The following HDAC4 variants were observed in gnomAD, a reference collection of about 807,000 sequenced individuals.
HDAC4 encodes histone deacetylase 4.
A neutral mutation model predicts 135.1 loss-of-function variants in HDAC4; 16 were observed. The observed-to-expected ratio is 0.12, with a 90% CI of 0.08 to 0.18. The LOEUF (loss-of-function observed/expected upper bound fraction) is 0.18, where lower values mean the gene tolerates loss of function less well. Among genes scored for constraint, HDAC4 ranks in the 10% least tolerant of loss-of-function variants. The pLI is 1.00. For synonymous variants in HDAC4, 685 were observed against 653.4 expected (o/e 1.05, Z -0.74); for missense variants, 1,143 against 1,511.8 (o/e 0.76, Z 4.05).
chr2:239,318,265 G>A (rs540320706), intron 2 of HDAC4, among the ~76,000 whole-genome samples: 1 of 152,324 alleles, frequency 6.6e-6, no homozygotes, highest in East Asian at 1.9e-4. Context: ...CAGCAGCAAC[G>A]AAATACTGCG....
intron 1 of HDAC4, among the ~76,000 whole-genome samples, chr2:239,396,064 C>T (rs1432678236): frequency 6.6e-6 from 1 of 152,086 alleles, no homozygotes; most frequent in East Asian, 1.9e-4. Context: ...GCAACCTTGA[C>T]TTTCCAGGCT....
chr2:239,159,486 C>G (rs1035807406), intron 6 of HDAC4, among the ~76,000 whole-genome samples: 2 of 149,182 alleles, frequency 1.3e-5, no homozygotes, highest in African/African-American at 4.9e-5. Flanking sequence ...CACACCCCAC[C>G]CACACCCCAC....
At chr2:239,287,169 C>T (rs1406921272) in intron 2 of HDAC4, among the ~76,000 whole-genome samples, 1 of 152,276 alleles carries the variant, frequency 6.6e-6, no homozygotes, top group African/African-American at 2.4e-5. Flanking sequence ...GAACTGCAGC[C>T]GTGCCTGGAT....
intron 2 of HDAC4, among the ~76,000 whole-genome samples, chr2:239,330,388 C>T (rs1691490371): frequency 1.3e-5 from 2 of 152,254 alleles, no homozygotes; most frequent in Admixed American, 1.3e-4. Context: ...TGAGCAAGGG[C>T]CACTGGGGCC....
chr2:239,171,169 CAAA>C (rs34204026), intron 5 of HDAC4, among the ~76,000 whole-genome samples: 23,963 of 114,604 alleles, frequency 0.21, 1,920 homozygotes, highest in East Asian at 0.34. Flanking sequence ...ACAATCTGAC[CAAA>C]AAAAAAAAAA....
Position 239,122,915 on chromosome 2 carries a change from C to T in HDAC4, c.1533+3541G>A, listed in dbSNP as rs550684660. Among the ~76,000 whole-genome samples the T allele has an allele frequency of 8.5e-5, 13 of 152,332 alleles. No individual in the cohort carries two copies. In the East Asian group the frequency reaches 2.5e-3, roughly 29 times the overall value. ...CACAGCTGCCAGAGCTGGGCAGATG[C>T]CCTCAGGGAACAAGCCCCTGGGGAC... On this transcript the variant is annotated intron_variant, in intron 12 of 26. Coordinates refer to ENST00000543185, the MANE Select transcript of HDAC4 (RefSeq NM_001378414.1).
rs182637113 is a variant in HDAC4 at position 239,262,178 on chromosome 2, C to T, written c.23-25514G>A. ...AGGAGCCACGGTCCACTGAGACCCA[C>T]GACAAGGTATCCACGTGGCTTTTTA... On this transcript the variant is annotated intron_variant, in intron 2 of 26. Transcript: ENST00000543185. The surrounding 1 kb of genome is among the most constrained non-coding windows in gnomAD (Gnocchi z 4.1). 4.2e-4 allele frequency among the ~76,000 whole-genome samples: 64 copies of T among 152,288 alleles called. No individual in the cohort carries two copies. The highest frequency in any genetic ancestry group is 1.3e-3 in the Admixed American group (20 of 15,302).
At chr2:239,321,413 C>T (rs935589742) in intron 2 of HDAC4, among the ~76,000 whole-genome samples, 1 of 135,032 alleles carries the variant, frequency 7.4e-6, no homozygotes, top group African/African-American at 2.8e-5. Context: ...TGCAGCGAGC[C>T]GAGATAGCGC....
chr2:239,075,514 C>A (rs1161363203), intron 22 of HDAC4, among the ~76,000 whole-genome samples: 7 of 152,156 alleles, frequency 4.6e-5, no homozygotes, highest in Non-Finnish European at 1.0e-4. Context: ...ACCCCTGGGG[C>A]CGGCAAGCCC....
rs551313061 is a variant in HDAC4, at chr2:239,371,431, TCACA to T, written c.-219-18517_-219-18514del. Among the ~76,000 whole-genome samples, 88 of 151,576 alleles carry T rather than the reference TCACA, an allele frequency of 5.8e-4. 1 individual carries two copies. The highest frequency in any genetic ancestry group is 2.0e-3 in the African/African-American group (81 of 41,274). Reference sequence around the variant, plus strand: ...AGCATGCACTTACACAACCTCAAACTCACACATTCAATCACACTTGCACACTCAC... The same window carrying T: ...AGCATGCACTTACACAACCTCAAACTCATTCAATCACACTTGCACACTCAC... On this transcript the variant is annotated intron_variant, in intron 1 of 26. Transcript: ENST00000543185.
chr2:239,211,504 TA>T (rs1182310181), intron 3 of HDAC4, among the ~76,000 whole-genome samples: 3 of 152,172 alleles, frequency 2.0e-5, no homozygotes, highest in Non-Finnish European at 4.4e-5. Context: ...TATCTTGAGA[TA>T]AAAGAAACAT....
At chr2:239,148,160 A>G (rs1393971591) in intron 7 of HDAC4, among the ~76,000 whole-genome samples, 1 of 152,236 alleles carries the variant, frequency 6.6e-6, no homozygotes, top group Non-Finnish European at 1.5e-5. Context: ...AACTGCAGAG[A>G]GAAGGAGGCA....
rs932340746 is a variant in HDAC4, at chr2:239,048,307, A to G, written c.*4790T>C. The G allele has an allele frequency of 1.6e-4, 25 of 152,458 alleles. No homozygotes were observed. The highest frequency in any genetic ancestry group is 6.0e-4 in the African/African-American group (25 of 41,592). 9.4% of individuals were successfully genotyped at this position (152,458 alleles called of 1,614,324 possible). A position where few individuals can be genotyped will look rare whatever the true frequency, so the allele number is the denominator to read the frequency against. On this transcript the variant is annotated 3_prime_UTR_variant, in exon 27 of 27. Transcript: ENST00000543185. ...ATCATTGGTCGGTGAAAATCCACCC[A>G]CACAAAACAAGACAAGAATGAGAAA...
intron 22 of HDAC4, among the ~76,000 whole-genome samples, chr2:239,079,741 G>T (rs1214793021): frequency 2.0e-5 from 3 of 152,010 alleles, no homozygotes; most frequent in African/African-American, 7.2e-5. Context: ...CTCATATACA[G>T]ATGTGCACAC....
chr2:239,189,778 G>A (rs552224535), intron 4 of HDAC4, 55 bp downstream of exon 4: 17 of 1,533,304 alleles, frequency 1.1e-5, no homozygotes, highest in African/African-American at 9.5e-5. Context: ...TGGAGTCACC[G>A]GGAGTTGAGG....
rs1159605270 is a variant in HDAC4 at position 239,084,179 on chromosome 2, C to T, written c.2508G>A (p.Val836=). Residue 836 remains valine (V), a synonymous_variant, in exon 20 of 27, where the codon GTG becomes GTA. Transcript: ENST00000543185. ...CCCAGTCCACGATGAGGATCTTGCTCACGCTCAACCTCTGCTGCAGAAGCT... is the reference window on the plus strand; with the variant it reads ...CCCAGTCCACGATGAGGATCTTGCTTACGCTCAACCTCTGCTGCAGAAGCT... ...AAKLLQQRLS[V]SKILIVDWDV... is the part of the protein sequence containing the mutation. The T allele has an allele frequency of 3.1e-6, 5 of 1,613,448 alleles. No individual in the cohort carries two copies. Among genetic ancestry groups the T allele is most frequent in the Non-Finnish European group, 4.2e-6 (5 of 1,179,596 alleles).
At chr2:239,217,868 G>A (rs1262880043) in intron 3 of HDAC4, among the ~76,000 whole-genome samples, 1 of 152,188 alleles carries the variant, frequency 6.6e-6, no homozygotes, top group South Asian at 2.1e-4. Context: ...GCGGGAGGGG[G>A]ATCGTTTGAG....
intron 22 of HDAC4, among the ~76,000 whole-genome samples, chr2:239,076,858 C>A (rs1470963117): frequency 1.3e-5 from 2 of 152,190 alleles, no homozygotes; most frequent in Non-Finnish European, 2.9e-5. Context: ...CCACCCCCAC[C>A]TGAACCTTCT....
chr2:239,157,209 G>A (rs3791507), intron 6 of HDAC4, among the ~76,000 whole-genome samples: 15,991 of 152,238 alleles, frequency 0.11, 847 homozygotes, highest in East Asian at 0.19. Flanking sequence ...CAGCTGAGAC[G>A]GGGCAAAAAA....
Sources: gnomAD v4.1 joint callset for allele counts (sites outside exome capture counted in the v4.1 genomes callset) on GRCh38, gnomAD v4.1.1 for gene constraint, Gnocchi (gnomAD v3.1) non-coding constraint, MANE v1.5 for transcripts, NCBI Gene and HGNC (gene_info 2026-07-23, HGNC 2026-07-21) for gene names.